The following LYZL4 variants were observed in gnomAD, a reference collection of about 807,000 sequenced individuals.
LYZL4 encodes the protein lysozyme like 4, also known as lysozyme-like protein 4.
In LYZL4, 13 loss-of-function variants were observed where a neutral mutation model predicts 17.6. That is an observed-to-expected ratio of 0.74 (90% CI 0.48 to 1.18). The LOEUF is 1.18. Among genes scored for constraint, LYZL4 ranks in the 50% most tolerant of loss-of-function variants. The pLI is 0.00. For missense variants in LYZL4, 174 were observed against 188.2 expected (o/e 0.92, Z 0.44); for synonymous variants, 64 against 67.7 (o/e 0.95, Z 0.27).
In LYZL4 at chr3:42,398,739, T is replaced by C. The variant is rs76827000; in HGVS notation, c.372-1405A>G. 4.5e-3 allele frequency among the ~76,000 whole-genome samples: 693 copies of C among 152,312 alleles called. 13 individuals carry two copies. In the East Asian group the frequency reaches 0.068, roughly 15 times the overall value. Reference sequence around the variant, plus strand: ...TAATATAGGGCTTAATTTGTGTGTGTGCCAGCACTGTTGTAATACATGGCT... The same window carrying C: ...TAATATAGGGCTTAATTTGTGTGTGCGCCAGCACTGTTGTAATACATGGCT... On this transcript the variant is annotated intron_variant, in intron 4 of 4. Transcript: ENST00000287748.
the LYZL4 span, among the ~76,000 whole-genome samples, chr3:42,386,867 G>A: frequency 6.6e-6 from 1 of 152,134 alleles, no homozygotes; most frequent in Non-Finnish European, 1.5e-5. Context: ...GGAATGAGTA[G>A]GAATAGAAGT....
chr3:42,386,106 T>A, the LYZL4 span, among the ~76,000 whole-genome samples: 1 of 151,982 alleles, frequency 6.6e-6, no homozygotes, highest in Non-Finnish European at 1.5e-5. Flanking sequence ...ATCCTTTTTT[T>A]TTCTTTCTTT....
At chr3:42,392,280 G>C (rs1698490878), downstream of LYZL4, among the ~76,000 whole-genome samples, 1 of 152,148 alleles carries the variant, frequency 6.6e-6, no homozygotes, top group Non-Finnish European at 1.5e-5. Context: ...GGCAGAGTGT[G>C]GGGGTAGACA....
the LYZL4 span, among the ~76,000 whole-genome samples, chr3:42,382,845 C>T: frequency 6.6e-6 from 1 of 152,008 alleles, no homozygotes; most frequent in African/African-American, 2.4e-5. Flanking sequence ...ATGCATAGCA[C>T]CTGCTGTAGC....
chr3:42,363,224 T>G, the LYZL4 span, among the ~76,000 whole-genome samples: 1 of 152,176 alleles, frequency 6.6e-6, no homozygotes, highest in Non-Finnish European at 1.5e-5. Flanking sequence ...TGGTTAAACT[T>G]CACTTATTTA....
chr3:42,393,751 A>T (rs1698518205), downstream of LYZL4, among the ~76,000 whole-genome samples: 1 of 152,160 alleles, frequency 6.6e-6, no homozygotes, highest in South Asian at 2.1e-4. Flanking sequence ...TAGGTCAGAC[A>T]CATGGCCCAG....
chr3:42,376,258 C>G, the LYZL4 span, among the ~76,000 whole-genome samples: 1 of 152,192 alleles, frequency 6.6e-6, no homozygotes, highest in Admixed American at 6.5e-5. Flanking sequence ...TTGATGGAGG[C>G]CATGGCTGAC....
At chr3:42,371,687 A>G in the LYZL4 span, among the ~76,000 whole-genome samples, 1 of 152,190 alleles carries the variant, frequency 6.6e-6, no homozygotes, top group Non-Finnish European at 1.5e-5. Context: ...AGTTGATGGG[A>G]CCACAATGGC....
chr3:42,389,937 C>A, the LYZL4 span, among the ~76,000 whole-genome samples: 5 of 152,176 alleles, frequency 3.3e-5, no homozygotes, highest in African/African-American at 1.2e-4. Context: ...ACGAATGGAT[C>A]TGCACAGGGT....
At chr3:42,393,444 G>A (rs1490364564), downstream of LYZL4, among the ~76,000 whole-genome samples, 1 of 152,146 alleles carries the variant, frequency 6.6e-6, no homozygotes, top group Non-Finnish European at 1.5e-5. Context: ...CAGGCGAAGG[G>A]CCCAGAAATC....
the LYZL4 span, among the ~76,000 whole-genome samples, chr3:42,365,769 A>G: frequency 1.3e-5 from 2 of 152,208 alleles, no homozygotes; most frequent in East Asian, 3.9e-4. Flanking sequence ...GGTATGCTCT[A>G]GACAAAAGTT....
the LYZL4 span, among the ~76,000 whole-genome samples, chr3:42,370,553 A>G: frequency 6.6e-6 from 1 of 152,206 alleles, no homozygotes; most frequent in Admixed American, 6.5e-5. Flanking sequence ...GGCCAATGAA[A>G]AAGAAAAATG....
chr3:42,393,581 G>A (rs2125598097), downstream of LYZL4, among the ~76,000 whole-genome samples: 1 of 152,322 alleles, frequency 6.6e-6, no homozygotes, highest in East Asian at 1.9e-4. Context: ...TCAATGATAA[G>A]TGGCAGAGCC....
At chr3:42,390,205 TG>T in the LYZL4 span, among the ~76,000 whole-genome samples, 1 of 152,186 alleles carries the variant, frequency 6.6e-6, no homozygotes, top group Non-Finnish European at 1.5e-5. Context: ...ATAGTCCTTT[TG>T]GAATGGGCAC....
At chr3:42,377,924 A>T in the LYZL4 span, among the ~76,000 whole-genome samples, 1 of 152,188 alleles carries the variant, frequency 6.6e-6, no homozygotes, top group African/African-American at 2.4e-5. Context: ...CACTGACATT[A>T]CCATGACTCA....
chr3:42,371,832 A>G, the LYZL4 span, among the ~76,000 whole-genome samples: 4 of 152,188 alleles, frequency 2.6e-5, no homozygotes, highest in Admixed American at 6.5e-5. Flanking sequence ...TCAGTTCTCT[A>G]TTCCTTACAA....
At chr3:42,371,203 C>T in the LYZL4 span, among the ~76,000 whole-genome samples, 1 of 152,214 alleles carries the variant, frequency 6.6e-6, no homozygotes, top group African/African-American at 2.4e-5. Flanking sequence ...CTATCTTTCT[C>T]TAAAGAGCTG....
At chr3:42,374,906 T>G in the LYZL4 span, among the ~76,000 whole-genome samples, 1 of 152,146 alleles carries the variant, frequency 6.6e-6, no homozygotes, top group Non-Finnish European at 1.5e-5. Flanking sequence ...CACTGAAGCC[T>G]CAACCCATCC....
chr3:42,394,265 C>T (rs1022885195), downstream of LYZL4, among the ~76,000 whole-genome samples: 3 of 152,162 alleles, frequency 2.0e-5, no homozygotes, highest in Non-Finnish European at 2.9e-5. Context: ...CTCTTAAGTG[C>T]AGCATCTTAA....
Sources: allele counts gnomAD v4.1 joint callset (sites outside exome capture counted in the v4.1 genomes callset), GRCh38; gene constraint gnomAD v4.1.1; transcripts MANE v1.5; gene names NCBI Gene and HGNC (gene_info 2026-07-23, HGNC 2026-07-21).